Variants in SLIT2 observed in about 807,000 individuals in gnomAD.
The protein encoded by SLIT2 is slit homolog 2 protein.
SLIT2 carries 41 observed loss-of-function variants against 185.7 expected under a neutral mutation model. The observed-to-expected ratio is 0.22, with a 90% CI of 0.17 to 0.29. The LOEUF is 0.29. Ranked by LOEUF, SLIT2 falls within the 10% of genes least tolerant of loss-of-function variation. SLIT2 has a pLI of 1.00. For synonymous variants in SLIT2, 693 were observed against 680.2 expected (o/e 1.02, Z -0.29); for missense variants, 1,571 against 1,909.0 (o/e 0.82, Z 3.30).
chr4:20,420,862 C>A (rs1728120754), intron 4 of SLIT2, among the ~76,000 whole-genome samples: 1 of 152,076 alleles, frequency 6.6e-6, no homozygotes, highest in South Asian at 2.1e-4. Flanking sequence ...TTCTTTCTGT[C>A]TGCTGTGTGA....
intron 4 of SLIT2, among the ~76,000 whole-genome samples, chr4:20,347,790 G>A (rs746839660): frequency 2.6e-5 from 4 of 152,204 alleles, no homozygotes; most frequent in Non-Finnish European, 4.4e-5. Context: ...TACGGCAGAT[G>A]CAACAGAAGC....
At chr4:20,602,538 C>T (rs1050971075) in intron 33 of SLIT2, among the ~76,000 whole-genome samples, 5 of 152,088 alleles carry the variant, frequency 3.3e-5, no homozygotes, top group Admixed American at 3.3e-4. Flanking sequence ...TTCCAAAAGT[C>T]TGCATTGGAA....
At chr4:20,316,533 A>G (rs1718605584) in intron 4 of SLIT2, among the ~76,000 whole-genome samples, 1 of 151,966 alleles carries the variant, frequency 6.6e-6, no homozygotes, top group Non-Finnish European at 1.5e-5. Context: ...ACATAAAGTC[A>G]TCTACTAAAA....
At chr4:20,607,229 T>C (rs1728861098) in intron 33 of SLIT2, among the ~76,000 whole-genome samples, 1 of 152,218 alleles carries the variant, frequency 6.6e-6, no homozygotes, top group African/African-American at 2.4e-5. Flanking sequence ...TAATGAGAGC[T>C]AGGACAAGCT....
chr4:20,264,876 A>G (rs1486518762), intron 3 of SLIT2, among the ~76,000 whole-genome samples: 1 of 151,938 alleles, frequency 6.6e-6, no homozygotes, highest in Admixed American at 6.6e-5. Flanking sequence ...CATTTCTGGG[A>G]TGTTGTGGGC....
chr4:20,511,382 G>A (rs1215356154), intron 11 of SLIT2, among the ~76,000 whole-genome samples: 1 of 150,382 alleles, frequency 6.6e-6, no homozygotes, highest in Non-Finnish European at 1.5e-5. Context: ...TGTTAGGAGA[G>A]CAAGAGTTAG....
rs112193379 is a variant in SLIT2, at chr4:20,522,361, G to A, written c.1131-1399G>A. Among the ~76,000 whole-genome samples, 137 of 152,258 alleles carry A rather than the reference G, an allele frequency of 9.0e-4. 1 individual carries two copies. Among genetic ancestry groups the A allele is most frequent in the African/African-American group, 2.7e-3 (114 of 41,570 alleles). On this transcript the variant is annotated intron_variant, in intron 12 of 36. Coordinates refer to ENST00000504154, the MANE Select transcript of SLIT2 (RefSeq NM_004787.4). ...CATACCAACCCTATTGAGACCAGTGGTGCCTGTTAGGGATGGAGAAAAAGA... is the reference window on the plus strand; with the variant it reads ...CATACCAACCCTATTGAGACCAGTGATGCCTGTTAGGGATGGAGAAAAAGA...
intron 4 of SLIT2, among the ~76,000 whole-genome samples, chr4:20,410,220 G>GT (rs1428809557): frequency 1.3e-4 from 17 of 128,154 alleles, no homozygotes; most frequent in African/African-American, 3.4e-4. Context: ...TTAAGTCTTG[G>GT]TTTTTTTTCT....
At chr4:20,465,083 A>G (rs886695578) in intron 4 of SLIT2, among the ~76,000 whole-genome samples, 8 of 152,176 alleles carry the variant, frequency 5.3e-5, no homozygotes, top group Non-Finnish European at 7.3e-5. Flanking sequence ...AATAACAATT[A>G]AGTCGGAGGC....
intron 29 of SLIT2, among the ~76,000 whole-genome samples, chr4:20,585,565 C>A (rs1034086230): frequency 6.6e-6 from 1 of 152,194 alleles, no homozygotes; most frequent in Non-Finnish European, 1.5e-5. Flanking sequence ...TAGACACCAA[C>A]ATTTAACCTA....
intron 4 of SLIT2, among the ~76,000 whole-genome samples, chr4:20,276,788 C>A (rs1263725978): frequency 6.6e-6 from 1 of 152,126 alleles, no homozygotes; most frequent in Non-Finnish European, 1.5e-5. Flanking sequence ...TTGAAAAAAG[C>A]CTAATTTAAA....
intron 4 of SLIT2, among the ~76,000 whole-genome samples, chr4:20,380,811 C>T (rs1312057876): frequency 6.6e-6 from 1 of 151,856 alleles, no homozygotes; most frequent in African/African-American, 2.4e-5. Context: ...GTTGAGGTTC[C>T]AGGAAATAAG....
intron 33 of SLIT2, among the ~76,000 whole-genome samples, chr4:20,607,417 C>T (rs927255125): frequency 2.0e-5 from 3 of 152,250 alleles, no homozygotes; most frequent in Admixed American, 6.5e-5. Context: ...ATTCCTAATA[C>T]ATCTCTCTTG....
rs147075815 is a variant in SLIT2, at chr4:20,465,268, A to G, written c.396-2484A>G. Among the ~76,000 whole-genome samples the G allele has an allele frequency of 7.2e-4, 109 of 152,324 alleles. 1 individual carries two copies. The highest frequency in any genetic ancestry group is 3.1e-3 in the East Asian group (16 of 5,188). On this transcript the variant is annotated intron_variant, in intron 4 of 36. Transcript: ENST00000504154. ...TCATTGTTTAGCATGAACACCAAAC[A>G]TCTCTGAAACTCAGTTTCCTTTCCT...
intron 33 of SLIT2, among the ~76,000 whole-genome samples, chr4:20,605,254 G>A (rs185026490): frequency 8.9e-4 from 136 of 152,270 alleles, no homozygotes; most frequent in African/African-American, 3.0e-3. Flanking sequence ...ATGCAAAATA[G>A]AGAAAGAAAA....
At chr4:20,295,542 G>C (rs1453974963) in intron 4 of SLIT2, among the ~76,000 whole-genome samples, 1 of 152,148 alleles carries the variant, frequency 6.6e-6, no homozygotes, top group Non-Finnish European at 1.5e-5. Context: ...ATGACCGTCA[G>C]CTCTCTTAGT....
chr4:20,268,753 GT>G, intron 3 of SLIT2, 56 bp from the exon 4 acceptor site: 1 of 1,053,602 alleles, frequency 9.5e-7, no homozygotes, highest in South Asian at 1.3e-5. Flanking sequence ...CCAAATCACA[GT>G]CTCATTGTTG....
chr4:20,490,773 T>C, intron 8 of SLIT2: 2 of 1,478,028 alleles, frequency 1.4e-6, no homozygotes, highest in Non-Finnish European at 1.8e-6. Flanking sequence ...CACTTTTTTC[T>C]CTCTTCACTT....
At chr4:20,306,950 T>C (rs979596926) in intron 4 of SLIT2, among the ~76,000 whole-genome samples, 7 of 152,110 alleles carry the variant, frequency 4.6e-5, no homozygotes, top group Admixed American at 2.6e-4. Flanking sequence ...ATTTTTCTTA[T>C]AGGATTGTCA....
Sources: gnomAD v4.1 joint callset for allele counts (sites outside exome capture counted in the v4.1 genomes callset) on GRCh38, gnomAD v4.1.1 for gene constraint, MANE v1.5 for transcripts, NCBI Gene and HGNC (gene_info 2026-07-23, HGNC 2026-07-21) for gene names.